Variants in MYO15A observed in about 807,000 individuals in gnomAD.
MYO15A encodes the protein myosin XVA.
A neutral mutation model predicts 394.6 loss-of-function variants in MYO15A; 308 were observed. The observed-to-expected ratio is 0.78, with a 90% confidence interval of 0.71 to 0.86. The LOEUF is 0.86. MYO15A is among the 40% of genes least tolerant of loss of function. The pLI, the probability that MYO15A is intolerant of heterozygous loss-of-function variation, is 0.00. For synonymous variants in MYO15A, 1,957 were observed against 2,003.8 expected, an observed-to-expected ratio of 0.98 and a Z score of 0.62; for missense variants, 4,606 against 4,799.1, an observed-to-expected ratio of 0.96 and a Z score of 1.19.
chr17:18,131,549 A>G lies in MYO15A; in HGVS notation c.4206+18A>G. The stretch of plus-strand genomic sequence containing the variant: ...TGTTTCAGGTGGGCCACCCCCTCCC[A>G]GGCCTCTGTGTTGGGCAGGGTCGGG... On this transcript the variant is annotated intron_variant, in intron 10 of 65. Coordinates refer to ENST00000647165, the MANE Select transcript of MYO15A (RefSeq NM_016239.4). The G allele has an allele frequency of 6.2e-7, 1 of 1,613,696 alleles. No homozygotes were observed. Among genetic ancestry groups the G allele is most frequent in the Non-Finnish European group, 8.5e-7 (1 of 1,179,772 alleles).
At position 18,121,184 on chromosome 17, in the gene MYO15A, C is replaced by G. The variant is rs1341884181; in HGVS notation, c.2384C>G (p.Pro795Arg). The change falls in exon 2 of 66, where the codon CCG becomes CGG. Residue 795 changes from proline (P) to arginine (R), a missense_variant. Pro to Arg is a moderately radical substitution (Grantham distance 103). Coordinates refer to ENST00000647165, the MANE Select transcript of MYO15A (RefSeq NM_016239.4). The surrounding 1 kb of genome is among the most constrained non-coding windows in gnomAD (Gnocchi z 5.3). Reference protein sequence around the residue: ...GLGYCSPLAPPSPQLSLRTGP... With the variant: ...GLGYCSPLAPRSPQLSLRTGP... ...GGCTACTGCTCACCCTTGGCGCCCC[C>G]GTCGCCTCAGCTGTCCTTGCGCACG... 2 of 1,511,690 alleles carry G rather than the reference C, an allele frequency of 1.3e-6. No individual in the cohort carries two copies. Among genetic ancestry groups the G allele is most frequent in the East Asian group, 2.7e-5 (1 of 36,968 alleles). The allele number at this position is 1,511,690 out of a possible 1,614,324, so 93.6% of individuals were successfully genotyped here.
rs753324530 is a variant in MYO15A at position 18,154,694 on chromosome 17, G to A, written c.8163G>A (p.Thr2721=). 4.3e-6 allele frequency: 7 copies of A among 1,613,436 alleles called. No homozygotes were observed. Among genetic ancestry groups the A allele is most frequent in the East Asian group, 4.5e-5 (2 of 44,890 alleles). The change falls in exon 45 of 66, where the codon ACG becomes ACA. Residue 2721 remains threonine, a synonymous_variant. Coordinates refer to ENST00000647165, the MANE Select transcript of MYO15A (RefSeq NM_016239.4). ...DLLFRQILHD[T]LSEACLRISE... The stretch of plus-strand genomic sequence containing the variant: ...TGTTCCCACAGATCCTGCACGACAC[G>A]CTCTCCGAGGCCTGCCTTCGCATCT...
At chr17:18,135,956 G>A in intron 13 of MYO15A, 132 bp downstream of exon 13, 1 of 801,976 alleles carries the variant, frequency 1.2e-6, no homozygotes, top group East Asian at 2.7e-5. Flanking sequence ...GGCATGGAGG[G>A]GAGTAATTTC....
intron 63 of MYO15A, 108 bp downstream of exon 63, chr17:18,171,879 A>C (rs2046946896): frequency 6.7e-7 from 1 of 1,481,860 alleles, no homozygotes; most frequent in Non-Finnish European, 9.0e-7. Context: ...GGCATTTTTC[A>C]GTGCCAGTCA....
rs139708744 is a variant in MYO15A, at chr17:18,111,877, A to G, written c.-220+3053A>G. Among the ~76,000 whole-genome samples the G allele has an allele frequency of 5.9e-5, 9 of 152,350 alleles. No individual in the cohort carries two copies. The East Asian group carries it at 1.7e-3, about 29-fold the overall frequency. ...TACACTCACAGATGAGGAGACTCCA[A>G]CGCTGAGGCTGCATGACTTGCTATG... On this transcript the variant is annotated intron_variant, in intron 1 of 65. Coordinates refer to ENST00000647165, the MANE Select transcript of MYO15A (RefSeq NM_016239.4).
intron 50 of MYO15A, 23 bp downstream of exon 50, chr17:18,157,253 C>A: frequency 6.3e-7 from 1 of 1,586,584 alleles, no homozygotes. Flanking sequence ...GAACCTGGAA[C>A]CCCATACGGG....
chr17:18,157,493 A>G, intron 50 of MYO15A: 1 of 972,346 alleles, frequency 1.0e-6, no homozygotes, highest in East Asian at 2.6e-5. Context: ...GAGTCCACAA[A>G]CCCTGCTTTG....
chr17:18,151,191 A>G lies in MYO15A; in HGVS notation c.7555A>G (p.Lys2519Glu). ...AKPVLLRATP[K>E]PLAPAPLAKA... ...ACCCGTGCTCCTGCGTGCCACTCCA[A>G]AGCCCTTGGCCCCAGCCCCTCTGGC... The change falls in exon 39 of 66, where the codon AAG (lysine) becomes GAG (glutamate). Residue 2519 changes from lysine to glutamate, a missense_variant. Transcript: ENST00000647165. 6.2e-7 allele frequency: 1 copy of G among 1,613,970 alleles called. No individual in the cohort carries two copies. The highest frequency in any genetic ancestry group is 8.5e-7 in the Non-Finnish European group (1 of 1,179,974).
intron 15 of MYO15A, among the ~76,000 whole-genome samples, chr17:18,137,301 T>C (rs1159255418): frequency 6.6e-6 from 1 of 152,220 alleles, no homozygotes; most frequent in Non-Finnish European, 1.5e-5. Context: ...ATGGGGAAAC[T>C]GAGGCATGGG....
intron 52 of MYO15A, 111 bp downstream of exon 52, chr17:18,158,749 G>T: frequency 7.0e-7 from 1 of 1,429,022 alleles, no homozygotes; most frequent in East Asian, 2.3e-5. Context: ...TGGGAGAGAT[G>T]AGAGACCACC....
At chr17:18,173,047 G>A (rs1181408753) in intron 64 of MYO15A, among the ~76,000 whole-genome samples, 1 of 152,178 alleles carries the variant, frequency 6.6e-6, no homozygotes, top group Non-Finnish European at 1.5e-5. Context: ...AGTGAGACAG[G>A]GAAGGGATGG....
At chr17:18,127,942 G>T (rs1190139456) in intron 7 of MYO15A, among the ~76,000 whole-genome samples, 3 of 151,648 alleles carry the variant, frequency 2.0e-5, no homozygotes, top group Non-Finnish European at 2.9e-5. Flanking sequence ...AGGGTGGCGA[G>T]TGTTGGGGGT....
In MYO15A at chr17:18,135,774, C is replaced by T; in HGVS notation, c.4546C>T (p.Leu1516=). Reference sequence around the variant, plus strand: ...AGAGATCCAGGCCGTGGCAGAGCTGCTGCAGATCTCCCCTGAGGGCCTGCA... The same window carrying T: ...AGAGATCCAGGCCGTGGCAGAGCTGTTGCAGATCTCCCCTGAGGGCCTGCA... The part of the protein sequence containing the change: ...AREIQAVAEL[L]QISPEGLQKA... The change falls in exon 13 of 66, where the codon CTG becomes TTG. Residue 1516 remains leucine (L), a synonymous_variant. Coordinates refer to ENST00000647165, the MANE Select transcript of MYO15A (RefSeq NM_016239.4). 1 of 1,614,184 alleles carries T rather than the reference C, an allele frequency of 6.2e-7. No homozygotes were observed. Among genetic ancestry groups the T allele is most frequent in the Non-Finnish European group, 8.5e-7 (1 of 1,180,034 alleles).
At chr17:18,158,705 T>G in intron 52 of MYO15A, 67 bp downstream of exon 52, 1 of 1,567,544 alleles carries the variant, frequency 6.4e-7, no homozygotes, top group Non-Finnish European at 8.8e-7. Flanking sequence ...CCATCCAAAC[T>G]GCAGGCTGTC....
chr17:18,126,116 G>A (rs2046033199), intron 4 of MYO15A, among the ~76,000 whole-genome samples: 1 of 152,212 alleles, frequency 6.6e-6, no homozygotes, highest in Non-Finnish European at 1.5e-5. Flanking sequence ...GTGGCTGTGG[G>A]GTTTGCTCAC....
At chr17:18,123,165 G>A (rs117283876) in intron 2 of MYO15A, 2,364 of 152,390 alleles carry the variant, frequency 0.016, 30 homozygotes, top group Non-Finnish European at 0.025. Context: ...GGTGGTGGGC[G>A]GGGCAAGCAG....
In MYO15A at chr17:18,166,440, C is replaced by A. The variant is rs2046856123; in HGVS notation, c.9867C>A (p.Tyr3289Ter). The A allele has an allele frequency of 6.2e-7, 1 of 1,613,982 alleles. No individual in the cohort carries two copies. Residue 3289 changes from tyrosine to a stop codon, truncating the protein, a stop_gained, in exon 61 of 66, where the codon TAC (tyrosine) becomes TAA (stop). Coordinates refer to ENST00000647165, the MANE Select transcript of MYO15A (RefSeq NM_016239.4). LOFTEE classifies it high-confidence loss of function. The part of the protein sequence containing the change: ...ASEMEQVDGG[Y>*]MLWFRRVLWD... ...AGATGGAGCAGGTGGACGGCGGCTA[C>A]ATGCTCTGGTTCCGGCGTGTGCTCT...
chr17:18,136,697 G>A lies in MYO15A; in HGVS notation c.4779+11G>A. The A allele has an allele frequency of 6.3e-7, 1 of 1,591,346 alleles. No individual in the cohort carries two copies. The highest frequency in any genetic ancestry group is 8.5e-7 in the Non-Finnish European group (1 of 1,171,784). On this transcript the variant is annotated intron_variant, in intron 15 of 65. Coordinates refer to ENST00000647165, the MANE Select transcript of MYO15A (RefSeq NM_016239.4). ...ATCTATGGTTTCGAGGTGGGGCCGTGTAGGAGGCTGAGGGGCGGGGGACAT... is the reference window on the plus strand; with the variant it reads ...ATCTATGGTTTCGAGGTGGGGCCGTATAGGAGGCTGAGGGGCGGGGGACAT...
At chr17:18,162,125 C>T (rs2046785527) in intron 57 of MYO15A, among the ~76,000 whole-genome samples, 1 of 152,136 alleles carries the variant, frequency 6.6e-6, no homozygotes, top group African/African-American at 2.4e-5. Context: ...CAGAATGTGC[C>T]CTAGAACTCT....
Sources: gnomAD v4.1 joint callset for allele counts (sites outside exome capture counted in the v4.1 genomes callset) on GRCh38, gnomAD v4.1.1 for gene constraint, Gnocchi (gnomAD v3.1) non-coding constraint, MANE v1.5 for transcripts, NCBI Gene and HGNC (gene_info 2026-07-23, HGNC 2026-07-21) for gene names.